Variants in ANKAR observed in about 807,000 individuals in gnomAD.
ANKAR encodes ankyrin and armadillo repeat-containing protein.
ANKAR carries 136 observed loss-of-function variants against 146.2 expected under a neutral mutation model. The ratio of observed to expected loss-of-function variants is 0.93; its 90% CI spans 0.81 to 1.07. The LOEUF is 1.07. ANKAR is among the 50% of genes least tolerant of loss of function. The probability of loss-of-function intolerance (pLI) is 0.00; values close to 1 mark genes in which losing one functional copy is unlikely to be tolerated. For missense variants in ANKAR, 1,567 were observed against 1,679.9 expected (o/e 0.93, Z 1.18); for synonymous variants, 500 against 575.8 (o/e 0.87, Z 1.88).
At chr2:189,682,898 A>G (rs2034956157) in intron 2 of ANKAR, among the ~76,000 whole-genome samples, 1 of 152,180 alleles carries the variant, frequency 6.6e-6, no homozygotes, top group East Asian at 1.9e-4. Context: ...TTGCCAGCCT[A>G]AGGGATGTGC....
intron 8 of ANKAR, 33 bp downstream of exon 8, chr2:189,705,257 T>C (rs1166660789): frequency 2.5e-6 from 4 of 1,582,472 alleles, no homozygotes; most frequent in Admixed American, 1.7e-5. Context: ...CAGGTTGAGG[T>C]TGATGTCTAG....
chr2:189,730,863 T>C (rs1012114699), intron 16 of ANKAR, among the ~76,000 whole-genome samples: 5 of 152,232 alleles, frequency 3.3e-5, no homozygotes, highest in African/African-American at 1.2e-4. Flanking sequence ...GAAAATCTTA[T>C]GTTTTTACTC....
rs548732302 is a variant in ANKAR, at chr2:189,759,666, A to G, written c.*585-1432A>G. 9.4e-4 allele frequency among the ~76,000 whole-genome samples: 143 copies of G among 152,366 alleles called. 1 individual carries two copies. Among genetic ancestry groups the G allele is most frequent in the Middle Eastern group, 3.4e-3 (1 of 294 alleles). On this transcript the variant is annotated intron_variant and NMD_transcript_variant, in intron 18 of 18. Transcript: ENST00000441800. ...GATTCAAATACAGGACTGTGATTCC[A>G]AAATACCAGGCTTTTTCACTATTCA... is the stretch of plus-strand genomic sequence containing the variant.
intron 15 of ANKAR, among the ~76,000 whole-genome samples, chr2:189,729,152 T>G (rs2042161639): frequency 6.6e-6 from 1 of 152,202 alleles, no homozygotes; most frequent in Non-Finnish European, 1.5e-5. Context: ...AACGATATGT[T>G]TTTGAAGATA....
chr2:189,733,067 A>G (rs777176066), intron 16 of ANKAR, 40 bp from the exon 17 acceptor site: 3 of 1,572,594 alleles, frequency 1.9e-6, no homozygotes, highest in South Asian at 2.4e-5. Flanking sequence ...AATTTCATAA[A>G]GCATAATTGA....
rs773746456 is a variant in ANKAR, at chr2:189,744,723, A to G, written c.4011-19A>G. 6.4e-7 allele frequency: 1 copy of G among 1,565,182 alleles called. No homozygotes were observed. The highest frequency in any genetic ancestry group is 1.7e-5 in the Admixed American group (1 of 57,744). The stretch of plus-strand genomic sequence containing the variant: ...TTATGTCTTCATTTATTTTAATGAC[A>G]AAAATGTTTTCCTTTTAGTCTGGAG... On this transcript the variant is annotated intron_variant, in intron 21 of 22. Coordinates refer to ENST00000684021, the MANE Select transcript of ANKAR (RefSeq NM_001378068.1).
At chr2:189,762,058 T>C (rs2047152083), downstream of ANKAR, among the ~76,000 whole-genome samples, 2 of 152,196 alleles carry the variant, frequency 1.3e-5, no homozygotes, top group Non-Finnish European at 2.9e-5. Context: ...AAAAATACTG[T>C]TAATGTATTC....
At chr2:189,693,283 G>A (rs2036697238) in intron 5 of ANKAR, 106 bp downstream of exon 5, 3 of 690,220 alleles carry the variant, frequency 4.3e-6, no homozygotes, top group Admixed American at 6.1e-5. Context: ...CTTTACAATG[G>A]CGATTCCACA....
rs768658997 is a variant in ANKAR at position 189,720,696 on chromosome 2, G to C, written c.2544G>C (p.Arg848=). 2 of 1,507,636 alleles carry C rather than the reference G, an allele frequency of 1.3e-6. No individual in the cohort carries two copies. The highest frequency in any genetic ancestry group is 5.1e-5 in the East Asian group (2 of 39,160). 93.4% of individuals were successfully genotyped at this position (1,507,636 alleles called of 1,614,324 possible). The change falls in exon 12 of 23, where the codon CGG becomes CGC. Residue 848 remains arginine, a synonymous_variant. Coordinates refer to ENST00000684021, the MANE Select transcript of ANKAR (RefSeq NM_001378068.1). The part of the protein sequence containing the change: ...NVLVNVMNCI[R]VLCIGNENNQ... ...TAGTAAATGTAATGAACTGTATACG[G>C]GTATTGTGTATAGGAAATGAAAACA... is the stretch of plus-strand genomic sequence containing the variant.
Position 189,745,027 on chromosome 2 carries a change from C to CTACTACTACTACTACTACTAATAA in ANKAR, c.4057+241_4057+242insCTACTACTACTACTACTAATAATA, listed in dbSNP as rs376824673. On this transcript the variant is annotated intron_variant, in intron 22 of 22. Coordinates refer to ENST00000684021, the MANE Select transcript of ANKAR (RefSeq NM_001378068.1). ...ACTACTACTACTACTACTACTACTA[C>CTACTACTACTACTACTACTAATAA]TAATAATACAAAAATTAGCCAGGCA... 2.8e-3 allele frequency among the ~76,000 whole-genome samples: 366 copies of CTACTACTACTACTACTACTAATAA among 131,106 alleles called. 5 individuals carry two copies. Among genetic ancestry groups the CTACTACTACTACTACTACTAATAA allele is most frequent in the South Asian group, 0.021 (74 of 3,594 alleles). The allele number at this position is 131,106 out of a possible 152,430, so 86.0% of individuals were successfully genotyped here. A position where few individuals can be genotyped will look rare whatever the true frequency, so the allele number is the denominator to read the frequency against.
Position 189,696,324 on chromosome 2 carries a change from G to A in ANKAR, c.1663G>A (p.Ala555Thr), listed in dbSNP as rs769552865. Reference protein sequence around the residue: ...RVSIICQLCNANFKVNQRRFV... With the variant: ...RVSIICQLCNTNFKVNQRRFV... ...TTCTATTATATGTCAACTGTGCAAT[G>A]CTAACTTCAAGGTCAACCAGAGGCG... The change falls in exon 7 of 23, where the codon GCT becomes ACT. Residue 555 changes from alanine (A) to threonine (T), a missense_variant. Physicochemically the swap from Ala to Thr is moderately conservative, Grantham distance 58. Coordinates refer to ENST00000684021, the MANE Select transcript of ANKAR (RefSeq NM_001378068.1). The A allele has an allele frequency of 1.2e-6, 2 of 1,614,010 alleles. No homozygotes were observed. The highest frequency in any genetic ancestry group is 2.2e-5 in the South Asian group (2 of 91,080).
downstream of ANKAR, chr2:189,762,717 C>T (rs1186063173): frequency 1.8e-5 from 18 of 985,268 alleles, no homozygotes; most frequent in Non-Finnish European, 2.2e-5. Context: ...TAGCACTTGT[C>T]TCCTTTCCCT....
At chr2:189,717,205 A>T (rs1239657682) in intron 10 of ANKAR, among the ~76,000 whole-genome samples, 1 of 152,238 alleles carries the variant, frequency 6.6e-6, no homozygotes, top group East Asian at 1.9e-4. Flanking sequence ...ACAAAGGGCT[A>T]ATATCCAGAA....
chr2:189,676,439 C>T lies in ANKAR; in HGVS notation c.-35-17C>T. Reference sequence around the variant, plus strand: ...GTCAGATTTTATTGATAATCTTTTCCTTCTTATTCATTGCAGAAGCTTCAA... The same window carrying T: ...GTCAGATTTTATTGATAATCTTTTCTTTCTTATTCATTGCAGAAGCTTCAA... On this transcript the variant is annotated splice_polypyrimidine_tract_variant and intron_variant, in intron 1 of 22. Coordinates refer to ENST00000684021, the MANE Select transcript of ANKAR (RefSeq NM_001378068.1). 6.8e-7 allele frequency: 1 copy of T among 1,463,324 alleles called. No homozygotes were observed. Among genetic ancestry groups the T allele is most frequent in the Admixed American group, 2.5e-5 (1 of 40,296 alleles). 90.6% of individuals were successfully genotyped at this position (1,463,324 alleles called of 1,614,324 possible).
intron 10 of ANKAR, among the ~76,000 whole-genome samples, chr2:189,716,680 C>G (rs1344765637): frequency 2.0e-5 from 3 of 152,230 alleles, no homozygotes; most frequent in Non-Finnish European, 4.4e-5. Context: ...CGCTACCTGA[C>G]TCCAAACTAT....
intron 21 of ANKAR, among the ~76,000 whole-genome samples, chr2:189,743,866 A>C (rs1019518882): frequency 1.3e-5 from 2 of 152,216 alleles, no homozygotes; most frequent in Non-Finnish European, 2.9e-5. Context: ...CCAGATCCAA[A>C]GCTAGGCCAA....
intron 15 of ANKAR, 82 bp from the exon 16 acceptor site, chr2:189,730,413 A>G: frequency 1.3e-6 from 1 of 795,480 alleles, no homozygotes. Flanking sequence ...ATGCTTTGTC[A>G]ACCCAAAATA....
chr2:189,761,638 C>A, downstream of ANKAR: 2 of 1,580,794 alleles, frequency 1.3e-6, no homozygotes, highest in South Asian at 1.2e-5. Flanking sequence ...TCAAGATTAG[C>A]ATACTTACTC....
At chr2:189,747,677 T>C (rs556093203), downstream of ANKAR, among the ~76,000 whole-genome samples, 15 of 152,154 alleles carry the variant, frequency 9.9e-5, no homozygotes, top group Non-Finnish European at 2.2e-4. Flanking sequence ...CTGTGTACTT[T>C]ATTTTACTTA....
Sources: gnomAD v4.1 joint callset for allele counts (sites outside exome capture counted in the v4.1 genomes callset) on GRCh38, gnomAD v4.1.1 for gene constraint, MANE v1.5 for transcripts, NCBI Gene and HGNC (gene_info 2026-07-23, HGNC 2026-07-21) for gene names.